The following CCDC192 variants were observed in gnomAD, a reference collection of about 807,000 sequenced individuals.
CCDC192 encodes coiled-coil domain-containing protein 192.
chr5:127,800,022 A>G (rs1394971100), intron 5 of CCDC192, among the ~76,000 whole-genome samples: 1 of 152,108 alleles, frequency 6.6e-6, no homozygotes, highest in Non-Finnish European at 1.5e-5. Flanking sequence ...TAATTTTCAG[A>G]AAGAAAATGG....
At chr5:127,737,073 A>G (rs951324285) in intron 2 of CCDC192, among the ~76,000 whole-genome samples, 15 of 151,568 alleles carry the variant, frequency 9.9e-5, no homozygotes, top group African/African-American at 3.7e-4. Context: ...ATTTACTGCT[A>G]TAAATTTCCC....
At chr5:127,754,127 A>G in intron 2 of CCDC192, 141 bp from the exon 3 acceptor site, 1 of 388,792 alleles carries the variant, frequency 2.6e-6, no homozygotes, top group Non-Finnish European at 4.5e-6. Context: ...TTCCATGTTA[A>G]GAAAAGGGGA....
chr5:127,721,063 C>T (rs1224306721), intron 2 of CCDC192, among the ~76,000 whole-genome samples: 1 of 152,216 alleles, frequency 6.6e-6, no homozygotes, highest in Non-Finnish European at 1.5e-5. Flanking sequence ...ACATTTGGCT[C>T]CTCTTTACAT....
chr5:127,808,637 C>T (rs1382496806), intron 5 of CCDC192, among the ~76,000 whole-genome samples: 1 of 152,184 alleles, frequency 6.6e-6, no homozygotes, highest in Non-Finnish European at 1.5e-5. Flanking sequence ...GTGAGTCTTT[C>T]CCTCTGCTCC....
At chr5:127,819,129 G>A (rs751510248) in intron 5 of CCDC192, among the ~76,000 whole-genome samples, 3 of 152,026 alleles carry the variant, frequency 2.0e-5, no homozygotes, top group South Asian at 2.1e-4. Context: ...TCACTTTTCC[G>A]GAAGTCCCTG....
At chr5:127,835,909 C>T (rs766043447) in intron 5 of CCDC192, among the ~76,000 whole-genome samples, 7 of 152,152 alleles carry the variant, frequency 4.6e-5, no homozygotes, top group Non-Finnish European at 7.4e-5. Flanking sequence ...ATCCTAGCCC[C>T]TCCCAAATTT....
intron 3 of CCDC192, among the ~76,000 whole-genome samples, chr5:127,763,988 C>T (rs537753579): frequency 7.2e-4 from 109 of 152,214 alleles, no homozygotes; most frequent in South Asian, 1.2e-3. Flanking sequence ...AATCTCTCTC[C>T]CACCTCCCGC....
chr5:127,714,096 G>T (rs1330117819), intron 2 of CCDC192, among the ~76,000 whole-genome samples: 2 of 152,078 alleles, frequency 1.3e-5, no homozygotes, highest in Non-Finnish European at 2.9e-5. Flanking sequence ...TGCAGTATTT[G>T]TCTTTCTGTG....
At chr5:127,917,861 C>T (rs550548509) in intron 6 of CCDC192, among the ~76,000 whole-genome samples, 2 of 152,016 alleles carry the variant, frequency 1.3e-5, no homozygotes, top group Non-Finnish European at 2.9e-5. Context: ...GCACTAAAAC[C>T]GGGCATGGTG....
chr5:127,857,169 C>A (rs1206712176), intron 5 of CCDC192, among the ~76,000 whole-genome samples: 1 of 152,204 alleles, frequency 6.6e-6, no homozygotes, highest in Non-Finnish European at 1.5e-5. Flanking sequence ...ATGATACCAA[C>A]AATAACACCC....
At chr5:127,851,052 T>C (rs1750774856) in intron 5 of CCDC192, among the ~76,000 whole-genome samples, 1 of 152,180 alleles carries the variant, frequency 6.6e-6, no homozygotes, top group Admixed American at 6.6e-5. Flanking sequence ...GGTGCCACCA[T>C]GGAGGCTTTG....
At chr5:127,894,697 G>A (rs1256171827) in intron 6 of CCDC192, among the ~76,000 whole-genome samples, 1 of 152,156 alleles carries the variant, frequency 6.6e-6, no homozygotes, top group Non-Finnish European at 1.5e-5. Context: ...GTTTCCAGGT[G>A]CCTGGAGTCA....
At position 127,886,083 on chromosome 5, in the gene CCDC192, G is replaced by A. The variant is rs1046038608; in HGVS notation, c.535+10422G>A. On this transcript the variant is annotated intron_variant, in intron 6 of 6. Coordinates refer to ENST00000514853, the MANE Select transcript of CCDC192 (RefSeq NM_001317938.2). ...AAACAGGTCTGGCAAGACTGAAAAT[G>A]TTACTGCTCTTCTGCACGTGCTTTT... 6.6e-5 allele frequency among the ~76,000 whole-genome samples: 10 copies of A among 152,158 alleles called. 1 individual carries two copies. Among genetic ancestry groups the A allele is most frequent in the Admixed American group, 6.5e-4 (10 of 15,292 alleles).
chr5:127,817,072 AT>A (rs1749058218), intron 5 of CCDC192, among the ~76,000 whole-genome samples: 1 of 152,246 alleles, frequency 6.6e-6, no homozygotes, highest in Non-Finnish European at 1.5e-5. Flanking sequence ...CTTATGAATC[AT>A]AATTGATTGG....
intron 5 of CCDC192, among the ~76,000 whole-genome samples, chr5:127,821,549 C>T (rs1476434186): frequency 6.6e-6 from 1 of 152,164 alleles, no homozygotes; most frequent in Non-Finnish European, 1.5e-5. Context: ...GGCAACTAAG[C>T]TTTTGTGAAC....
Position 127,888,342 on chromosome 5 carries a change from G to T in CCDC192, c.535+12681G>T, listed in dbSNP as rs545379361. On this transcript the variant is annotated intron_variant, in intron 6 of 6. Coordinates refer to ENST00000514853, the MANE Select transcript of CCDC192 (RefSeq NM_001317938.2). The stretch of plus-strand genomic sequence containing the variant: ...GAGGCAGGAGAATCACTTGAACCTG[G>T]GAGGCAGTGGTTGCAATGAGCCGAG... 1.2e-4 allele frequency among the ~76,000 whole-genome samples: 18 copies of T among 151,976 alleles called. 1 individual carries two copies. In the South Asian group the frequency reaches 3.3e-3, roughly 28 times the overall value.
At chr5:127,704,580 G>A (rs1472774115) in intron 1 of CCDC192, among the ~76,000 whole-genome samples, 1 of 152,146 alleles carries the variant, frequency 6.6e-6, no homozygotes, top group East Asian at 1.9e-4. Flanking sequence ...GTCTGTGGAT[G>A]ATATGAGAAA....
In CCDC192 at chr5:127,941,327, G is replaced by A. The variant is rs1323484887; in HGVS notation, c.681G>A (p.Lys227=). ...ITQLKEVLEE[K]ERKIQQLEAE... ...AGCTGAAAGAAGTTTTGGAGGAAAA[G>A]GAAAGGAAGATTCAGCAGCTGGAAG... Residue 227 remains lysine (K), a synonymous_variant, in exon 7 of 7, where the codon AAG becomes AAA. Coordinates refer to ENST00000514853, the MANE Select transcript of CCDC192 (RefSeq NM_001317938.2). The A allele has an allele frequency of 5.0e-6, 2 of 398,960 alleles. No individual in the cohort carries two copies. Among genetic ancestry groups the A allele is most frequent in the African/African-American group, 4.1e-5 (2 of 48,628 alleles). 24.7% of individuals were successfully genotyped at this position (398,960 alleles called of 1,614,324 possible). A position where few individuals can be genotyped will look rare whatever the true frequency, so the allele number is the denominator to read the frequency against.
At chr5:127,813,775 A>C (rs1372108177) in intron 5 of CCDC192, among the ~76,000 whole-genome samples, 1 of 152,212 alleles carries the variant, frequency 6.6e-6, no homozygotes, top group Non-Finnish European at 1.5e-5. Flanking sequence ...AATATGAATC[A>C]TCTTAAAAAA....
Sources: allele counts gnomAD v4.1 joint callset (sites outside exome capture counted in the v4.1 genomes callset), GRCh38; gene constraint gnomAD v4.1.1; transcripts MANE v1.5; gene names NCBI Gene and HGNC (gene_info 2026-07-23, HGNC 2026-07-21).